TMTC2: variants seen among roughly 807,000 people sequenced by gnomAD.
The protein encoded by TMTC2 is transmembrane O-mannosyltransferase targeting cadherins 2.
A neutral mutation model predicts 82.4 loss-of-function variants in TMTC2; 43 were observed. The observed-to-expected ratio is 0.52, with a 90% CI of 0.41 to 0.67. TMTC2 has a LOEUF of 0.67. TMTC2 is among the 30% of genes least tolerant of loss of function. The pLI is 0.00. For missense variants in TMTC2, 919 were observed against 1,012.4 expected (o/e 0.91, Z 1.25); for synonymous variants, 408 against 381.9 (o/e 1.07, Z -0.80).
At chr12:82,739,147 TAAAA>T (rs59846972) in intron 1 of TMTC2, among the ~76,000 whole-genome samples, 3 of 139,334 alleles carry the variant, frequency 2.2e-5, no homozygotes, top group Non-Finnish European at 1.5e-5. Flanking sequence ...GACTCTGTCT[TAAAA>T]AAAAAAAAAA....
rs1259811060 is a variant in TMTC2 at position 82,895,941 on chromosome 12, G to A, written c.778G>A (p.Ala260Thr). ...AAGCTTTTCCAACTCGGACAACCCC[G>A]CTGCTGATTCGGACAGCCTCCTCAC... The part of the protein sequence containing the change: ...PPSFSNSDNP[A>T]ADSDSLLTRT... The change falls in exon 3 of 12, where the codon GCT becomes ACT. Residue 260 changes from alanine (A) to threonine (T), a missense_variant. By Grantham distance (58) the Ala-to-Thr change is moderately conservative. Transcript: ENST00000321196. 1.2e-6 allele frequency: 2 copies of A among 1,613,676 alleles called. No homozygotes were observed. The highest frequency in any genetic ancestry group is 1.7e-5 in the Admixed American group (1 of 59,944).
At chr12:83,114,965 A>C (rs1420825844) in intron 11 of TMTC2, among the ~76,000 whole-genome samples, 2 of 152,038 alleles carry the variant, frequency 1.3e-5, no homozygotes, top group African/African-American at 4.8e-5. Flanking sequence ...GGAAAAAATG[A>C]GTCTCTGCTT....
At chr12:82,694,046 T>G (rs1305810264) in intron 1 of TMTC2, among the ~76,000 whole-genome samples, 2 of 151,582 alleles carry the variant, frequency 1.3e-5, no homozygotes, top group Non-Finnish European at 2.9e-5. Context: ...GTTTTTTGGG[T>G]TTATAACTTT....
intron 1 of TMTC2, among the ~76,000 whole-genome samples, chr12:82,796,734 A>G (rs999370690): frequency 9.9e-5 from 15 of 152,092 alleles, no homozygotes; most frequent in African/African-American, 3.6e-4. Context: ...GGCTGGTTCT[A>G]TTAAGCAGAG....
intron 1 of TMTC2, among the ~76,000 whole-genome samples, chr12:82,794,017 T>C (rs527570761): frequency 6.6e-6 from 1 of 152,244 alleles, no homozygotes; most frequent in Non-Finnish European, 1.5e-5. Context: ...ATTTTCAGCT[T>C]TCTGATAGAA....
chr12:83,116,021 C>T (rs566154563), intron 11 of TMTC2, among the ~76,000 whole-genome samples: 2 of 152,060 alleles, frequency 1.3e-5, no homozygotes, highest in Non-Finnish European at 2.9e-5. Flanking sequence ...CTCCTGACCT[C>T]GTGATGTGCC....
chr12:83,034,586 A>G (rs1565862812), intron 9 of TMTC2, among the ~76,000 whole-genome samples: 1 of 152,220 alleles, frequency 6.6e-6, no homozygotes, highest in Non-Finnish European at 1.5e-5. Flanking sequence ...AGTTGTTGCA[A>G]TGTTTTCATC....
chr12:82,816,416 A>T (rs1565762815), intron 1 of TMTC2, among the ~76,000 whole-genome samples: 1 of 152,064 alleles, frequency 6.6e-6, no homozygotes, highest in East Asian at 1.9e-4. Flanking sequence ...CTCCGTTAAC[A>T]CTTGTTAATT....
At position 82,962,068 on chromosome 12, in the gene TMTC2, C is replaced by T. The variant is rs73362286; in HGVS notation, c.1599-2956C>T. Reference sequence around the variant, plus strand: ...TGAATTCCTCTGAGTGACTAGGATCCGGCCCCTCCCCACAAGAATAAGGCA... The same window carrying T: ...TGAATTCCTCTGAGTGACTAGGATCTGGCCCCTCCCCACAAGAATAAGGCA... On this transcript the variant is annotated intron_variant, in intron 4 of 11. Coordinates refer to ENST00000321196, the MANE Select transcript of TMTC2 (RefSeq NM_152588.3). Among the ~76,000 whole-genome samples, 1,192 of 152,050 alleles carry T rather than the reference C, an allele frequency of 7.8e-3. 9 individuals are homozygous for T. Among genetic ancestry groups the T allele is most frequent in the African/African-American group, 0.026 (1,086 of 41,498 alleles).
chr12:82,779,382 T>C (rs1443824582), intron 1 of TMTC2, among the ~76,000 whole-genome samples: 1 of 152,096 alleles, frequency 6.6e-6, no homozygotes, highest in African/African-American at 2.4e-5. Context: ...GAATGTTTCA[T>C]GCGATAAGCC....
rs1472305816 is a variant in TMTC2 at position 82,865,553 on chromosome 12, A to T, written c.654+7973A>T. Among the ~76,000 whole-genome samples, 14 of 152,278 alleles carry T rather than the reference A, an allele frequency of 9.2e-5. No individual in the cohort carries two copies. In the East Asian group the frequency reaches 1.7e-3, roughly 19 times the overall value. On this transcript the variant is annotated intron_variant, in intron 2 of 11. Coordinates refer to ENST00000321196, the MANE Select transcript of TMTC2 (RefSeq NM_152588.3). ...ACAAAGAGACTTAGACTCCCACACA[A>T]TAATAATGGGAGACTTTAACACCCC...
intron 1 of TMTC2, among the ~76,000 whole-genome samples, chr12:82,727,658 G>A (rs996895649): frequency 6.6e-6 from 1 of 151,554 alleles, no homozygotes; most frequent in African/African-American, 2.4e-5. Context: ...GAGGCGGAGG[G>A]TGTAGTGAGC....
intron 4 of TMTC2, among the ~76,000 whole-genome samples, chr12:82,960,671 A>G (rs1877880957): frequency 4.6e-5 from 7 of 151,976 alleles, no homozygotes; most frequent in Admixed American, 4.6e-4. Flanking sequence ...TGGTTGAAAA[A>G]TTAACTAAGT....
chr12:82,895,638 T>C (rs1325544067), intron 2 of TMTC2, among the ~76,000 whole-genome samples, 180 bp from the exon 3 acceptor site: 1 of 152,184 alleles, frequency 6.6e-6, no homozygotes, highest in Non-Finnish European at 1.5e-5. Context: ...TCAGGTTTTT[T>C]TGGAGATTAA....
rs190861772 is a variant in TMTC2, at chr12:82,687,559, G to A, written c.-28G>A. The A allele has an allele frequency of 8.8e-6, 14 of 1,583,200 alleles. No individual in the cohort carries two copies. In the East Asian group the frequency reaches 2.5e-4, roughly 28 times the overall value. On this transcript the variant is annotated 5_prime_UTR_variant, in exon 1 of 12. Coordinates refer to ENST00000321196, the MANE Select transcript of TMTC2 (RefSeq NM_152588.3). Reference sequence around the variant, plus strand: ...TGCCGCTGCTGCCCTCGCGCTGGGAGCCGAGCCGGAGGGAAGGCGGTGGAG... The same window carrying A: ...TGCCGCTGCTGCCCTCGCGCTGGGAACCGAGCCGGAGGGAAGGCGGTGGAG...
rs919094167 is a variant in TMTC2 at position 82,798,117 on chromosome 12, G to A, written c.84-58893G>A. The stretch of plus-strand genomic sequence containing the variant: ...GCTACAAGCACCTGCCAGGACGCCC[G>A]GCTAATTTTCTGTATTTTTAGTAGA... On this transcript the variant is annotated intron_variant, in intron 1 of 11. Transcript: ENST00000321196. Among the ~76,000 whole-genome samples the A allele has an allele frequency of 2.0e-5, 3 of 150,284 alleles. 1 individual carries two copies. Among genetic ancestry groups the A allele is most frequent in the Non-Finnish European group, 3.0e-5 (2 of 67,534 alleles).
chr12:82,883,289 T>C (rs898768975), intron 2 of TMTC2, among the ~76,000 whole-genome samples: 2 of 152,168 alleles, frequency 1.3e-5, no homozygotes, highest in Non-Finnish European at 2.9e-5. Flanking sequence ...AGCGTAATTA[T>C]AGAGTTGGAG....
At chr12:83,083,225 GT>G (rs2095514001) in intron 11 of TMTC2, among the ~76,000 whole-genome samples, 1 of 152,216 alleles carries the variant, frequency 6.6e-6, no homozygotes, top group Admixed American at 6.5e-5. Flanking sequence ...AAAGAAGTCA[GT>G]TCCGCCTGCC....
At chr12:82,729,400 CA>C (rs1424501674) in intron 1 of TMTC2, among the ~76,000 whole-genome samples, 1 of 151,974 alleles carries the variant, frequency 6.6e-6, no homozygotes, top group African/African-American at 2.4e-5. Context: ...GTAAATATAC[CA>C]GTTGCACTCT....
Sources: gnomAD v4.1 joint callset for allele counts (sites outside exome capture counted in the v4.1 genomes callset) on GRCh38, gnomAD v4.1.1 for gene constraint, MANE v1.5 for transcripts, NCBI Gene and HGNC (gene_info 2026-07-23, HGNC 2026-07-21) for gene names.